SLC35D4: variants seen among roughly 807,000 people sequenced by gnomAD.
SLC35D4 encodes the protein UDP-N-acetylglucosamine transporter SLC35D4.
the SLC35D4 span, among the ~76,000 whole-genome samples, chr18:23,330,867 A>G: frequency 6.6e-6 from 1 of 152,110 alleles, no homozygotes; most frequent in Admixed American, 6.5e-5. Context: ...TCCCTGGGAG[A>G]CTGCTTACCA....
chr18:23,386,759 T>C, the SLC35D4 span, among the ~76,000 whole-genome samples: 7 of 143,612 alleles, frequency 4.9e-5, 1 homozygote, highest in African/African-American at 1.8e-4. Context: ...ATATAAAAAA[T>C]GTAACAGTGC....
At chr18:23,313,806 C>T in the SLC35D4 span, among the ~76,000 whole-genome samples, 1 of 152,296 alleles carries the variant, frequency 6.6e-6, no homozygotes, top group East Asian at 1.9e-4. Context: ...CCACCCAAGG[C>T]CACACAGTCC....
At chr18:23,437,883 C>G in the SLC35D4 span, 1 of 1,598,550 alleles carries the variant, frequency 6.3e-7, no homozygotes, top group South Asian at 1.1e-5. Context: ...CGGGGATCCA[C>G]GGTGCCTGCC....
chr18:23,242,847 A>G, the SLC35D4 span, among the ~76,000 whole-genome samples: 1 of 152,094 alleles, frequency 6.6e-6, no homozygotes, highest in Non-Finnish European at 1.5e-5. Flanking sequence ...CTCTACCCCT[A>G]CATCTCCCCA....
chr18:23,413,797 A>G, the SLC35D4 span, among the ~76,000 whole-genome samples: 1 of 152,008 alleles, frequency 6.6e-6, no homozygotes, highest in African/African-American at 2.4e-5. Flanking sequence ...ATAAAAAATT[A>G]GCCAGGCATG....
At chr18:23,414,660 G>A in the SLC35D4 span, among the ~76,000 whole-genome samples, 60 of 149,652 alleles carry the variant, frequency 4.0e-4, no homozygotes, top group Non-Finnish European at 7.7e-4. Context: ...GTGACAGAGC[G>A]AAACTCCATC....
the SLC35D4 span, chr18:23,309,789 C>T: frequency 6.4e-7 from 1 of 1,569,494 alleles, no homozygotes; most frequent in South Asian, 1.1e-5. Context: ...CAGCAGGGCT[C>T]TGGAAACCTC....
the SLC35D4 span, chr18:23,384,885 T>C: frequency 5.3e-6 from 5 of 942,252 alleles, no homozygotes; most frequent in South Asian, 2.9e-5. Context: ...TGCCTGGAGA[T>C]TGGTGGCAGG....
chr18:23,420,658 G>A, the SLC35D4 span, among the ~76,000 whole-genome samples: 1 of 151,952 alleles, frequency 6.6e-6, no homozygotes, highest in Non-Finnish European at 1.5e-5. Flanking sequence ...TTACAGGCAT[G>A]AGCCACCATG....
the SLC35D4 span, among the ~76,000 whole-genome samples, chr18:23,246,366 C>T: frequency 4.0e-5 from 6 of 151,622 alleles, no homozygotes; most frequent in African/African-American, 1.5e-4. Context: ...CATGCACTGG[C>T]AAAACCCAGG....
At chr18:23,363,804 A>C in the SLC35D4 span, among the ~76,000 whole-genome samples, 1 of 152,214 alleles carries the variant, frequency 6.6e-6, no homozygotes, top group African/African-American at 2.4e-5. Flanking sequence ...AGTATGGGTA[A>C]GCAGAAGCCA....
At chr18:23,283,471 C>CAAAAAAAAA in the SLC35D4 span, among the ~76,000 whole-genome samples, 4 of 44,388 alleles carry the variant, frequency 9.0e-5, no homozygotes, top group African/African-American at 1.8e-4. Context: ...GACCCAGTCT[C>CAAAAAAAAA]AAAAAAAAAA....
chr18:23,370,376 G>T, the SLC35D4 span: 1 of 979,716 alleles, frequency 1.0e-6, no homozygotes, highest in Non-Finnish European at 1.5e-6. Flanking sequence ...CACGACTGCT[G>T]GTCCTTTTCC....
the SLC35D4 span, chr18:23,385,125 G>A: frequency 6.6e-7 from 1 of 1,518,738 alleles, no homozygotes; most frequent in Admixed American, 1.9e-5. Context: ...ATAATCATAT[G>A]GTTCTTGATT....
At chr18:23,299,974 C>T in the SLC35D4 span, among the ~76,000 whole-genome samples, 4 of 152,162 alleles carry the variant, frequency 2.6e-5, no homozygotes, top group Non-Finnish European at 4.4e-5. Flanking sequence ...ATGTTATGAA[C>T]CAAATGACTA....
At chr18:23,408,904 G>T in the SLC35D4 span, among the ~76,000 whole-genome samples, 2 of 151,282 alleles carry the variant, frequency 1.3e-5, no homozygotes, top group Non-Finnish European at 2.9e-5. Flanking sequence ...GAAGGCCAAG[G>T]CTGGTGGATC....
the SLC35D4 span, among the ~76,000 whole-genome samples, chr18:23,340,169 T>C: frequency 6.6e-6 from 1 of 151,866 alleles, no homozygotes; most frequent in Admixed American, 6.6e-5. Flanking sequence ...CAAGATCTCA[T>C]CTCTACAAAA....
chr18:23,434,709 G>A, the SLC35D4 span, among the ~76,000 whole-genome samples: 63 of 151,662 alleles, frequency 4.2e-4, no homozygotes, highest in Non-Finnish European at 8.1e-4. Context: ...TGTGTGGATC[G>A]CTTGAGCCTA....
chr18:23,421,522 G>T, the SLC35D4 span: 2 of 1,304,538 alleles, frequency 1.5e-6, no homozygotes, highest in South Asian at 1.2e-5. Context: ...CAGATCTGCT[G>T]ACTGACACAA....
Sources: gnomAD v4.1 joint callset for allele counts (sites outside exome capture counted in the v4.1 genomes callset) on GRCh38, gnomAD v4.1.1 for gene constraint, MANE v1.5 for transcripts, NCBI Gene and HGNC (gene_info 2026-07-23, HGNC 2026-07-21) for gene names.